Variants in DLGAP2 observed in about 807,000 individuals in gnomAD.
DLGAP2 encodes disks large-associated protein 2.
A neutral mutation model predicts 100.3 loss-of-function variants in DLGAP2; 26 were observed. The observed-to-expected ratio is 0.26, with a 90% confidence interval of 0.19 to 0.36. The LOEUF is 0.36. Ranked by LOEUF, DLGAP2 falls within the 10% of genes least tolerant of loss-of-function variation. The pLI is 1.00. For missense variants in DLGAP2, 1,858 were observed against 1,453.2 expected, an observed-to-expected ratio of 1.28 and a Z score of -4.53; for synonymous variants, 886 against 630.1, an observed-to-expected ratio of 1.41 and a Z score of -6.08.
intron 2 of DLGAP2, among the ~76,000 whole-genome samples, chr8:1,102,240 C>A (rs1759297030): frequency 6.8e-6 from 1 of 146,604 alleles, no homozygotes; most frequent in Non-Finnish European, 1.5e-5. Context: ...CAAGCTTTTA[C>A]TGATTAATAT....
intron 1 of DLGAP2, among the ~76,000 whole-genome samples, chr8:817,131 A>T (rs1455286710): frequency 8.7e-6 from 1 of 114,862 alleles, no homozygotes. Flanking sequence ...ACACAGCGAG[A>T]CTCCGTCTCA....
intron 6 of DLGAP2, among the ~76,000 whole-genome samples, chr8:1,600,972 A>C (rs115480652): frequency 2.0e-5 from 3 of 152,078 alleles, no homozygotes; most frequent in African/African-American, 7.2e-5. Context: ...GGAATTTTCA[A>C]CCTTGTTGTG....
intron 6 of DLGAP2, among the ~76,000 whole-genome samples, chr8:1,623,558 G>C (rs553635442): frequency 6.8e-6 from 1 of 148,058 alleles, no homozygotes; most frequent in Non-Finnish European, 1.5e-5. Context: ...TGATAACCTG[G>C]CACCAGTGCG....
At chr8:1,513,812 G>T (rs934224917) in intron 4 of DLGAP2, among the ~76,000 whole-genome samples, 1 of 152,162 alleles carries the variant, frequency 6.6e-6, no homozygotes, top group Admixed American at 6.5e-5. Context: ...GGTCACGTTC[G>T]TACAGTCCAA....
intron 2 of DLGAP2, among the ~76,000 whole-genome samples, chr8:1,236,206 T>TCA (rs1798649248): frequency 9.3e-6 from 1 of 107,798 alleles, no homozygotes. Context: ...TCTAGTTCTC[T>TCA]CACATGGCGC....
chr8:935,643 G>A (rs189234434), intron 2 of DLGAP2, among the ~76,000 whole-genome samples: 5 of 152,224 alleles, frequency 3.3e-5, no homozygotes, highest in Admixed American at 2.6e-4. Context: ...TTCAGGGCCG[G>A]GTGTGCCTCA....
chr8:1,500,078 A>C (rs754854048), intron 3 of DLGAP2, among the ~76,000 whole-genome samples: 2 of 152,350 alleles, frequency 1.3e-5, no homozygotes, highest in Non-Finnish European at 2.9e-5. Flanking sequence ...TAGAGTCTGA[A>C]CATGCAATCA....
At chr8:1,287,172 G>T (rs1799942503) in intron 3 of DLGAP2, among the ~76,000 whole-genome samples, 1 of 138,308 alleles carries the variant, frequency 7.2e-6, no homozygotes, top group Admixed American at 7.2e-5. Context: ...GCGCGCGCGT[G>T]GTTCTGTTAG....
At chr8:1,182,688 G>C (rs535642874) in intron 2 of DLGAP2, among the ~76,000 whole-genome samples, 1 of 152,330 alleles carries the variant, frequency 6.6e-6, no homozygotes, top group South Asian at 2.1e-4. Context: ...GTAGGTCACT[G>C]AGTCTGCCCT....
At chr8:1,494,102 G>A (rs1448634188) in intron 3 of DLGAP2, among the ~76,000 whole-genome samples, 1 of 152,212 alleles carries the variant, frequency 6.6e-6, no homozygotes, top group Non-Finnish European at 1.5e-5. Context: ...GGCAGGAAAG[G>A]CTGCAGGGCC....
At chr8:773,269 A>T (rs925547253) in intron 1 of DLGAP2, among the ~76,000 whole-genome samples, 1 of 150,936 alleles carries the variant, frequency 6.6e-6, no homozygotes, top group Non-Finnish European at 1.5e-5. Flanking sequence ...TTACAAGGGC[A>T]CTAATCCTAT....
intron 3 of DLGAP2, among the ~76,000 whole-genome samples, chr8:1,332,393 G>C (rs1019057028): frequency 6.6e-6 from 1 of 152,192 alleles, no homozygotes; most frequent in South Asian, 2.1e-4. Flanking sequence ...GTGTTAGTGT[G>C]TGTCTGCATG....
chr8:1,267,630 T>G (rs55746026), intron 3 of DLGAP2, among the ~76,000 whole-genome samples: 1 of 101,958 alleles, frequency 9.8e-6, no homozygotes, highest in African/African-American at 3.8e-5. Flanking sequence ...AGATAAATAT[T>G]AAATAGGTCT....
chr8:1,468,418 T>C (rs1369475209), intron 3 of DLGAP2, among the ~76,000 whole-genome samples: 1 of 150,884 alleles, frequency 6.6e-6, no homozygotes. Flanking sequence ...GGATCCGGGC[T>C]GGTCCTGAGT....
At chr8:966,452 A>ACAT (rs1180128185) in intron 2 of DLGAP2, among the ~76,000 whole-genome samples, 1 of 152,200 alleles carries the variant, frequency 6.6e-6, no homozygotes. Context: ...GGTGAATCAA[A>ACAT]CATCTTTTTC....
At chr8:940,367 A>AGAGAGG (rs1488534578) in intron 2 of DLGAP2, among the ~76,000 whole-genome samples, 15 of 151,888 alleles carry the variant, frequency 9.9e-5, no homozygotes, top group Non-Finnish European at 1.6e-4. Context: ...AGAGAGAGAG[A>AGAGAGG]GAGAGGGAGA....
chr8:1,130,714 C>T (rs985875312), intron 2 of DLGAP2, among the ~76,000 whole-genome samples: 2 of 152,224 alleles, frequency 1.3e-5, no homozygotes, highest in Non-Finnish European at 2.9e-5. Context: ...CCAGGCAGGG[C>T]GTCCCAAGAC....
chr8:799,387 GGTGCCTGGGTGGGAGGTGGCC>G (rs1410199323), intron 1 of DLGAP2, among the ~76,000 whole-genome samples: 1 of 152,132 alleles, frequency 6.6e-6, no homozygotes, highest in African/African-American at 2.4e-5. Flanking sequence ...CAGGATCCTG[GGTGCCTGGGTGGGAGGTGGCC>G]GTACCAGAGA....
intron 2 of DLGAP2, chr8:927,238 G>A: frequency 1.0e-6 from 1 of 985,282 alleles, no homozygotes; most frequent in Non-Finnish European, 1.2e-6. Context: ...CATTATGGGG[G>A]ATTCATGTTG....
Sources: allele counts gnomAD v4.1 joint callset (sites outside exome capture counted in the v4.1 genomes callset), GRCh38; gene constraint gnomAD v4.1.1; transcripts MANE v1.5; gene names NCBI Gene and HGNC (gene_info 2026-07-23, HGNC 2026-07-21).